Variants in IPPK observed in about 807,000 individuals in gnomAD.
IPPK encodes IPK1 homolog.
Under a neutral mutation model 64.6 loss-of-function variants are expected in IPPK, and 22 were observed. The ratio of observed to expected loss-of-function variants is 0.34; its 90% CI spans 0.24 to 0.49. The LOEUF (loss-of-function observed/expected upper bound fraction) is 0.49. Among genes scored for constraint, IPPK ranks in the 20% least tolerant of loss-of-function variants. The probability of loss-of-function intolerance (pLI) is 0.99; values close to 1 mark genes in which losing one functional copy is unlikely to be tolerated. For synonymous variants in IPPK, 262 were observed against 247.2 expected (o/e 1.06, Z -0.56); for missense variants, 532 against 630.7 (o/e 0.84, Z 1.68).
chr9:92,648,937 G>A (rs903511480), intron 5 of IPPK, among the ~76,000 whole-genome samples: 15 of 152,244 alleles, frequency 9.9e-5, no homozygotes, highest in Non-Finnish European at 2.2e-4. Context: ...GCCTCTGAGG[G>A]TCACACTGGC....
Position 92,615,545 on chromosome 9 carries a change from G to A in IPPK, c.*287C>T, listed in dbSNP as rs1016568287. 7 of 366,906 alleles carry A rather than the reference G, an allele frequency of 1.9e-5. No individual in the cohort carries two copies. Among genetic ancestry groups the A allele is most frequent in the African/African-American group, 1.3e-4 (6 of 47,708 alleles). The allele number at this position is 366,906 out of a possible 1,614,324, so 22.7% of individuals were successfully genotyped here. On this transcript the variant is annotated 3_prime_UTR_variant, in exon 13 of 13. Coordinates refer to ENST00000287996, the MANE Select transcript of IPPK (RefSeq NM_022755.6). ...CATTAGAGAATCAGACATGAGCCCT[G>A]GTTGGGAAAGAAGAACTATCCAGAA...
At chr9:92,660,016 A>C (rs567455464) in intron 1 of IPPK, among the ~76,000 whole-genome samples, 1 of 152,116 alleles carries the variant, frequency 6.6e-6, no homozygotes, top group East Asian at 2.0e-4. Context: ...ACAATCAATC[A>C]TGGGAATCGA....
At chr9:92,633,342 A>G (rs1483518689) in intron 11 of IPPK, among the ~76,000 whole-genome samples, 1 of 151,564 alleles carries the variant, frequency 6.6e-6, no homozygotes, top group East Asian at 1.9e-4. Flanking sequence ...GTAATATAAA[A>G]TACAGGTGGC....
chr9:92,640,484 C>T (rs1034360459), intron 8 of IPPK, among the ~76,000 whole-genome samples: 2 of 152,168 alleles, frequency 1.3e-5, no homozygotes, highest in African/African-American at 2.4e-5. Context: ...CCCAGGGTCA[C>T]TCAGATGCTA....
rs1295984445 is a variant in IPPK, at chr9:92,670,030, G to C, written c.-42C>G. ...GGCGCCTCGCGGGCTAGGACTCGGGGACGCGAGCTGGGGGCCGCCCGCCTC... is the reference window on the plus strand; with the variant it reads ...GGCGCCTCGCGGGCTAGGACTCGGGCACGCGAGCTGGGGGCCGCCCGCCTC... On this transcript the variant is annotated 5_prime_UTR_variant, in exon 1 of 13. Transcript: ENST00000287996. 10 of 1,471,468 alleles carry C rather than the reference G, an allele frequency of 6.8e-6. No homozygotes were observed. The highest frequency in any genetic ancestry group is 8.4e-6 in the Non-Finnish European group (9 of 1,077,274). 91.2% of individuals were successfully genotyped at this position (1,471,468 alleles called of 1,614,324 possible).
chr9:92,648,429 C>T (rs1852191868), intron 5 of IPPK, among the ~76,000 whole-genome samples: 1 of 152,198 alleles, frequency 6.6e-6, no homozygotes, highest in South Asian at 2.1e-4. Flanking sequence ...TAGCTTCATG[C>T]TTTCATTCAA....
intron 11 of IPPK, among the ~76,000 whole-genome samples, chr9:92,626,341 G>A (rs1272737801): frequency 6.6e-6 from 1 of 152,298 alleles, no homozygotes; most frequent in Admixed American, 6.5e-5. Flanking sequence ...AGCTTGCAGT[G>A]AGCCAAGATC....
intron 11 of IPPK, among the ~76,000 whole-genome samples, chr9:92,628,114 A>G (rs530470809): frequency 6.6e-6 from 1 of 152,356 alleles, no homozygotes; most frequent in South Asian, 2.1e-4. Flanking sequence ...TAAAAAGAAA[A>G]TATTTTAGAA....
At chr9:92,633,091 A>G (rs1851875089) in intron 11 of IPPK, among the ~76,000 whole-genome samples, 1 of 151,656 alleles carries the variant, frequency 6.6e-6, no homozygotes, top group Non-Finnish European at 1.5e-5. Flanking sequence ...GCTCACTGCA[A>G]TCTCTGCCTC....
chr9:92,624,155 A>G (rs1027703244), intron 11 of IPPK, among the ~76,000 whole-genome samples: 4 of 151,988 alleles, frequency 2.6e-5, no homozygotes, highest in Admixed American at 1.3e-4. Context: ...GAGCAACATA[A>G]TAAGACTGCA....
At chr9:92,666,795 T>C (rs1852607082) in intron 1 of IPPK, among the ~76,000 whole-genome samples, 1 of 152,228 alleles carries the variant, frequency 6.6e-6, no homozygotes, top group Non-Finnish European at 1.5e-5. Flanking sequence ...AACGCCTCTC[T>C]ATGGCTGGCC....
chr9:92,666,475 T>A (rs1187094329), intron 1 of IPPK, among the ~76,000 whole-genome samples: 1 of 152,158 alleles, frequency 6.6e-6, no homozygotes, highest in East Asian at 1.9e-4. Flanking sequence ...ACCTTCAGGC[T>A]GCAGCGAGGA....
chr9:92,636,473 C>CAA (rs369390679), intron 9 of IPPK, among the ~76,000 whole-genome samples: 3 of 147,408 alleles, frequency 2.0e-5, no homozygotes, highest in South Asian at 4.3e-4. Context: ...CCCATCTCTA[C>CAA]AAAAAAAAAA....
chr9:92,623,806 T>C (rs1851686488), intron 11 of IPPK, among the ~76,000 whole-genome samples: 1 of 152,202 alleles, frequency 6.6e-6, no homozygotes, highest in Non-Finnish European at 1.5e-5. Flanking sequence ...TTACAGTAGC[T>C]ACTGAAACTA....
At position 92,619,580 on chromosome 9, in the gene IPPK, A is replaced by G. The variant is rs118043251; in HGVS notation, c.1171-15T>C. On this transcript the variant is annotated splice_polypyrimidine_tract_variant and intron_variant, in intron 11 of 12. Coordinates refer to ENST00000287996, the MANE Select transcript of IPPK (RefSeq NM_022755.6). The stretch of plus-strand genomic sequence containing the variant: ...TACTGCTGCACCTGCAGGGGCGGGA[A>G]AGATCAGCTCCAGGTCACACAGGAA... 1.3e-6 allele frequency: 2 copies of G among 1,567,194 alleles called. No individual in the cohort carries two copies. The highest frequency in any genetic ancestry group is 4.6e-5 in the East Asian group (2 of 43,064).
chr9:92,659,715 G>A (rs562174742), intron 1 of IPPK, among the ~76,000 whole-genome samples: 2 of 152,222 alleles, frequency 1.3e-5, no homozygotes, highest in East Asian at 1.9e-4. Context: ...CCATTTTCTA[G>A]ATCAAAAGAT....
intron 4 of IPPK, 124 bp from the exon 5 acceptor site, chr9:92,649,698 C>T: frequency 8.7e-7 from 1 of 1,151,258 alleles, no homozygotes; most frequent in Non-Finnish European, 1.2e-6. Context: ...ATGAAAACCT[C>T]ATGTCTCCCT....
intron 1 of IPPK, among the ~76,000 whole-genome samples, chr9:92,668,388 C>T (rs1447079151): frequency 1.3e-5 from 2 of 152,180 alleles, no homozygotes; most frequent in African/African-American, 2.4e-5. Context: ...TTGTCTGGAA[C>T]GTGCAGAGAG....
intron 1 of IPPK, among the ~76,000 whole-genome samples, chr9:92,659,654 G>C (rs979733727): frequency 2.0e-5 from 3 of 152,138 alleles, no homozygotes; most frequent in Non-Finnish European, 4.4e-5. Flanking sequence ...ACAGGGCAAA[G>C]CCTAAGCAGG....
Sources: gnomAD v4.1 joint callset for allele counts (sites outside exome capture counted in the v4.1 genomes callset) on GRCh38, gnomAD v4.1.1 for gene constraint, MANE v1.5 for transcripts, NCBI Gene and HGNC (gene_info 2026-07-23, HGNC 2026-07-21) for gene names.